The following APC variants were observed in gnomAD, a reference collection of about 807,000 sequenced individuals.
APC encodes the protein APC regulator of Wnt signaling pathway, also known as adenomatous polyposis coli protein.
In APC, 72 loss-of-function variants were observed where a neutral mutation model predicts 247.0. The ratio of observed to expected loss-of-function variants is 0.29; its 90% CI spans 0.24 to 0.35. APC has a LOEUF of 0.35. APC is among the 10% of genes least tolerant of loss of function. The pLI, the probability that APC is intolerant of heterozygous loss-of-function variation, is 1.00. For synonymous variants in APC, 1,254 were observed against 1,162.5 expected (o/e 1.08, Z -1.60); for missense variants, 3,400 against 3,360.7 (o/e 1.01, Z -0.29).
upstream of APC, chr5:112,737,859 G>T: frequency 1.0e-6 from 1 of 985,704 alleles, no homozygotes; most frequent in Non-Finnish European, 1.2e-6. Flanking sequence ...ACATGTGGCT[G>T]TATTGGTGCA....
intron 1 of APC, among the ~76,000 whole-genome samples, chr5:112,725,382 A>G (rs2149663392): frequency 6.6e-6 from 1 of 152,296 alleles, no homozygotes; most frequent in African/African-American, 2.4e-5. Context: ...TCCCCAGAGG[A>G]AGTCACTGTT....
intron 1 of APC, among the ~76,000 whole-genome samples, chr5:112,752,918 A>G (rs1754540680): frequency 6.6e-6 from 1 of 152,142 alleles, no homozygotes; most frequent in Admixed American, 6.5e-5. Context: ...TGATTTTTTT[A>G]TTCCTGTAAT....
At chr5:112,751,469 A>G (rs1754357186) in intron 1 of APC, among the ~76,000 whole-genome samples, 2 of 152,106 alleles carry the variant, frequency 1.3e-5, no homozygotes, top group South Asian at 4.1e-4. Context: ...TTGGTATACC[A>G]GAATAAGAAA....
At chr5:112,776,263 A>G (rs535248910) in intron 5 of APC, among the ~76,000 whole-genome samples, 4 of 152,354 alleles carry the variant, frequency 2.6e-5, no homozygotes, top group African/African-American at 7.2e-5. Flanking sequence ...CAGTTGAATA[A>G]CATTCTGATT....
intron 8 of APC, among the ~76,000 whole-genome samples, chr5:112,810,815 A>T (rs1347605286): frequency 3.3e-5 from 5 of 152,228 alleles, no homozygotes; most frequent in Non-Finnish European, 5.9e-5. Flanking sequence ...ACTTGCGGTC[A>T]GGAGTTTGAG....
chr5:112,770,135 A>G (rs1756876638), intron 4 of APC, among the ~76,000 whole-genome samples: 1 of 152,222 alleles, frequency 6.6e-6, no homozygotes, highest in African/African-American at 2.4e-5. Flanking sequence ...AATTTTTGAA[A>G]TAAGTTTTAC....
At position 112,818,440 on chromosome 5, in the gene APC, G is replaced by C. The variant is rs187097922; in HGVS notation, c.934-526G>C. ...ACAAAATGTTTTTAAATTTATAATCGTATAATTTTAATAATATTATCATCT... is the reference window on the plus strand; with the variant it reads ...ACAAAATGTTTTTAAATTTATAATCCTATAATTTTAATAATATTATCATCT... On this transcript the variant is annotated intron_variant, in intron 9 of 15. Transcript: ENST00000257430. Among the ~76,000 whole-genome samples, 105 of 108,892 alleles carry C rather than the reference G, an allele frequency of 9.6e-4. 1 individual carries two copies. Among genetic ancestry groups the C allele is most frequent in the African/African-American group, 3.4e-3 (98 of 29,180 alleles). 71.4% of individuals were successfully genotyped at this position (108,892 alleles called of 152,430 possible).
intron 1 of APC, among the ~76,000 whole-genome samples, chr5:112,740,524 C>CTTTTTTTTT (rs11286305): frequency 1.0e-4 from 10 of 99,124 alleles, no homozygotes; most frequent in East Asian, 3.2e-4. Flanking sequence ...GTTTTTTTTT[C>CTTTTTTTTT]TTTTTTTTTT....
At chr5:112,750,369 T>C (rs898312008) in intron 1 of APC, among the ~76,000 whole-genome samples, 2 of 152,188 alleles carry the variant, frequency 1.3e-5, no homozygotes, top group Non-Finnish European at 2.9e-5. Flanking sequence ...TTTTGTATGT[T>C]CTTTAAGTGA....
At position 112,831,315 on chromosome 5, in the gene APC, G is replaced by C. The variant is rs185705151; in HGVS notation, c.1743+2343G>C. Among the ~76,000 whole-genome samples, 182 of 152,136 alleles carry C rather than the reference G, an allele frequency of 1.2e-3. 3 individuals are homozygous for C. The East Asian group carries it at 0.03, about 25-fold the overall frequency. ...GTAGAGACGGGGTTTCACCATGTTGGCCAGGATGGTCTTCATCTCCTGACC... is the reference window on the plus strand; with the variant it reads ...GTAGAGACGGGGTTTCACCATGTTGCCCAGGATGGTCTTCATCTCCTGACC... On this transcript the variant is annotated intron_variant, in intron 14 of 15. Transcript: ENST00000257430.
rs759624605 is a variant in APC at position 112,841,968 on chromosome 5, C to G, written c.6374C>G (p.Ser2125Cys). Residue 2125 changes from serine (S) to cysteine (C), a missense_variant, in exon 16 of 16, where the codon TCT becomes TGT. Physicochemically the swap from Ser to Cys is moderately radical, Grantham distance 112. Transcript: ENST00000257430. This position sits in a 1 kb window ranked among gnomAD's most constrained non-coding sequence, Gnocchi z 4.6. ...LHQAAAAACL[S>C]RQASSDSDSI... ...CAAGCTGCTGCTGCTGCATGTTTAT[C>G]TAGACAAGCTTCGTCTGATTCAGAT... The G allele has an allele frequency of 1.2e-6, 2 of 1,613,408 alleles. No homozygotes were observed. Among genetic ancestry groups the G allele is most frequent in the Non-Finnish European group, 1.7e-6 (2 of 1,179,538 alleles).
At chr5:112,734,859 C>T (rs1185762408), upstream of APC, among the ~76,000 whole-genome samples, 3 of 147,208 alleles carry the variant, frequency 2.0e-5, no homozygotes, top group East Asian at 4.0e-4. Context: ...GGTGTGATCT[C>T]GGCTCACTGC....
rs1002990920 is a variant in APC, at chr5:112,716,349, G to A, written c.165+8467G>A. On this transcript the variant is annotated intron_variant, in intron 1 of 13. Coordinates refer to the APC transcript ENST00000507379. Reference sequence around the variant, plus strand: ...TTATACTTTGACTTTTGGATTATTTGGAAGTATTATATTTTTATTTCTAAA... The same window carrying A: ...TTATACTTTGACTTTTGGATTATTTAGAAGTATTATATTTTTATTTCTAAA... Among the ~76,000 whole-genome samples, 6 of 152,034 alleles carry A rather than the reference G, an allele frequency of 3.9e-5. No homozygotes were observed. The South Asian group carries it at 8.3e-4, about 21-fold the overall frequency.
rs185976949 is a variant in APC at position 112,776,565 on chromosome 5, T to A, written c.531+828T>A. 4.4e-3 allele frequency among the ~76,000 whole-genome samples: 669 copies of A among 152,264 alleles called. 3 individuals are homozygous for A. Among genetic ancestry groups the A allele is most frequent in the Middle Eastern group, 0.01 (3 of 294 alleles). ...TTTGTTAAGAAATGACTCAACATGG[T>A]GGAGGCTTATGCCTGTAACCCCAGC... On this transcript the variant is annotated intron_variant, in intron 5 of 15. Transcript: ENST00000257430.
intron 8 of APC, among the ~76,000 whole-genome samples, chr5:112,803,184 G>C (rs977201935): frequency 3.3e-5 from 5 of 152,092 alleles, no homozygotes; most frequent in African/African-American, 1.2e-4. Flanking sequence ...TGTATGACAT[G>C]AAACAGGCTT....
chr5:112,839,942 C>G lies in APC; in HGVS notation c.4348C>G (p.Arg1450Gly), dbSNP rs121913332. Residue 1450 changes from arginine (R) to glycine (G), a missense_variant, in exon 16 of 16, where the codon CGA (arginine) becomes GGA (glycine). By Grantham distance (125) the Arg-to-Gly change is moderately radical. Around this residue, in one of 9 missense-constraint regions of APC, gnomAD observed 1,788 missense variants for 1,649.5 expected, o/e 1.08. Transcript: ENST00000257430. This position sits in a 1 kb window ranked among gnomAD's most constrained non-coding sequence, Gnocchi z 5.0. The stretch of plus-strand genomic sequence containing the variant: ...ACCTCCTCAAACAGCTCAAACCAAG[C>G]GAGAAGTACCTAAAAATAAAGCACC... ...PPPPQTAQTK[R>G]EVPKNKAPTA... 6.2e-7 allele frequency: 1 copy of G among 1,613,958 alleles called. No homozygotes were observed. The highest frequency in any genetic ancestry group is 8.5e-7 in the Non-Finnish European group (1 of 1,179,988).
At chr5:112,713,443 A>T (rs1352321069) in intron 1 of APC, among the ~76,000 whole-genome samples, 3 of 152,114 alleles carry the variant, frequency 2.0e-5, no homozygotes, top group African/African-American at 7.2e-5. Context: ...CCTCTTTCCG[A>T]TGTCCATCCT....
At chr5:112,783,211 G>A (rs1411131523) in intron 6 of APC, among the ~76,000 whole-genome samples, 2 of 152,096 alleles carry the variant, frequency 1.3e-5, no homozygotes, top group African/African-American at 4.8e-5. Flanking sequence ...CTGAGGAGAG[G>A]TTAACTTGAG....
Position 112,843,484 on chromosome 5 carries a change from T to C in APC, c.7890T>C (p.Val2630=). Residue 2630 remains valine (V), a synonymous_variant, in exon 16 of 16, where the codon GTT becomes GTC. Coordinates refer to ENST00000257430, the MANE Select transcript of APC (RefSeq NM_000038.6). The surrounding 1 kb of genome is among the most constrained non-coding windows in gnomAD (Gnocchi z 4.8). Reference sequence around the variant, plus strand: ...CCACAAATAGTACTTCTCAGACCGTTTCCTCAGGTGCTACAAATGGTGCTG... The same window carrying C: ...CCACAAATAGTACTTCTCAGACCGTCTCCTCAGGTGCTACAAATGGTGCTG... The part of the protein sequence containing the change: ...FSPTNSTSQT[V]SSGATNGAES... The C allele has an allele frequency of 6.2e-7, 1 of 1,614,012 alleles. No individual in the cohort carries two copies. The highest frequency in any genetic ancestry group is 8.5e-7 in the Non-Finnish European group (1 of 1,179,868).
Sources: allele counts gnomAD v4.1 joint callset (sites outside exome capture counted in the v4.1 genomes callset), GRCh38; gene constraint gnomAD v4.1.1; regional missense constraint gnomAD v4.1.1; non-coding constraint Gnocchi (gnomAD v3.1); transcripts MANE v1.5; gene names NCBI Gene and HGNC (gene_info 2026-07-23, HGNC 2026-07-21).